RIC8B: variants seen among roughly 807,000 people sequenced by gnomAD.
RIC8B encodes the protein RIC8 guanine nucleotide exchange factor B, also known as chaperone Ric-8B.
RIC8B carries 16 observed loss-of-function variants against 57.5 expected under a neutral mutation model. That is an observed-to-expected ratio of 0.28 (90% CI 0.19 to 0.42). RIC8B has a LOEUF of 0.42. RIC8B is among the 10% of genes least tolerant of loss of function. RIC8B has a pLI of 1.00. For missense variants in RIC8B, 481 were observed against 677.0 expected, an observed-to-expected ratio of 0.71 and a Z score of 3.21; for synonymous variants, 216 against 250.8, an observed-to-expected ratio of 0.86 and a Z score of 1.31.
At chr12:106,807,702 A>G (rs779200812) in intron 2 of RIC8B, among the ~76,000 whole-genome samples, 7 of 152,234 alleles carry the variant, frequency 4.6e-5, no homozygotes, top group Non-Finnish European at 7.3e-5. Context: ...GACAGCTATC[A>G]GTTTCCATCA....
intron 3 of RIC8B, among the ~76,000 whole-genome samples, chr12:106,815,609 AT>A (rs1319743504): frequency 6.6e-6 from 1 of 152,210 alleles, no homozygotes; most frequent in African/African-American, 2.4e-5. Flanking sequence ...TAAGGTTTAA[AT>A]TATAAGATTT....
intron 2 of RIC8B, among the ~76,000 whole-genome samples, chr12:106,793,687 A>G (rs1285292879): frequency 6.8e-6 from 1 of 146,722 alleles, no homozygotes; most frequent in Non-Finnish European, 1.5e-5. Flanking sequence ...AGAGAAAGTC[A>G]GAGGGGTCTG....
At chr12:106,781,826 CA>C (rs538715218) in intron 1 of RIC8B, among the ~76,000 whole-genome samples, 7 of 151,976 alleles carry the variant, frequency 4.6e-5, no homozygotes, top group Non-Finnish European at 7.4e-5. Flanking sequence ...CATATAATGG[CA>C]AAAAAATAGG....
chr12:106,789,353 C>T (rs1191381564), intron 2 of RIC8B, among the ~76,000 whole-genome samples: 2 of 152,180 alleles, frequency 1.3e-5, no homozygotes, highest in Non-Finnish European at 2.9e-5. Context: ...CTGCCTGATA[C>T]CTAGTTCCAA....
At chr12:106,829,742 T>C (rs1168769434) in intron 4 of RIC8B, among the ~76,000 whole-genome samples, 2 of 152,202 alleles carry the variant, frequency 1.3e-5, no homozygotes, top group East Asian at 3.8e-4. Flanking sequence ...TCTTTTCATT[T>C]ATTCATTAAG....
chr12:106,799,352 T>C (rs189735160), intron 2 of RIC8B, among the ~76,000 whole-genome samples: 9 of 152,348 alleles, frequency 5.9e-5, no homozygotes, highest in African/African-American at 2.2e-4. Context: ...CCAAGCACTA[T>C]GCTAGAGGTT....
chr12:106,861,847 G>GA (rs1949951585), intron 8 of RIC8B, among the ~76,000 whole-genome samples: 1 of 151,962 alleles, frequency 6.6e-6, no homozygotes, highest in African/African-American at 2.4e-5. Context: ...TTACATCCCA[G>GA]GGTGTGTGGA....
intron 4 of RIC8B, among the ~76,000 whole-genome samples, chr12:106,829,370 G>C (rs1056653739): frequency 3.4e-4 from 51 of 152,106 alleles, no homozygotes; most frequent in Non-Finnish European, 2.1e-4. Context: ...AAATCAGGAT[G>C]GCCTATATGC....
intron 1 of RIC8B, among the ~76,000 whole-genome samples, chr12:106,780,844 C>T (rs2043732924): frequency 6.6e-6 from 1 of 152,178 alleles, no homozygotes; most frequent in African/African-American, 2.4e-5. Flanking sequence ...GGTTATTCAA[C>T]AATAACAGTA....
intron 9 of RIC8B, chr12:106,871,471 T>TAAAAAAAA (rs1387727022): frequency 6.5e-4 from 20 of 30,910 alleles, no homozygotes; most frequent in African/African-American, 1.3e-3. Context: ...TTAGGAGTTC[T>TAAAAAAAA]AAAAAAAAAA....
chr12:106,875,243 A>T (rs1317421861), intron 9 of RIC8B, among the ~76,000 whole-genome samples: 1 of 152,182 alleles, frequency 6.6e-6, no homozygotes, highest in African/African-American at 2.4e-5. Flanking sequence ...TTAAGGCCTG[A>T]GGCATGAAAT....
At chr12:106,845,327 G>C (rs1566125478) in intron 6 of RIC8B, among the ~76,000 whole-genome samples, 2 of 114,260 alleles carry the variant, frequency 1.8e-5, no homozygotes, top group African/African-American at 7.5e-5. Context: ...CTATTTCACA[G>C]CTTTTCTTCA....
chr12:106,866,174 G>GT (rs1461955499), intron 8 of RIC8B, among the ~76,000 whole-genome samples: 2 of 142,646 alleles, frequency 1.4e-5, no homozygotes, highest in African/African-American at 5.9e-5. Flanking sequence ...AGGAGTTTTT[G>GT]TTTTTTTGTT....
intron 3 of RIC8B, among the ~76,000 whole-genome samples, chr12:106,824,915 AAAAG>A: frequency 6.6e-6 from 1 of 152,254 alleles, no homozygotes; most frequent in South Asian, 2.1e-4. Context: ...CTCAAAAAAA[AAAAG>A]AAAAAAGTTT....
At chr12:106,812,890 T>C (rs1167458182) in intron 2 of RIC8B, among the ~76,000 whole-genome samples, 4 of 152,206 alleles carry the variant, frequency 2.6e-5, no homozygotes, top group Non-Finnish European at 1.5e-5. Context: ...GACAATGTTA[T>C]GAAATTTTTT....
At chr12:106,795,606 T>G (rs2044444206) in intron 2 of RIC8B, among the ~76,000 whole-genome samples, 1 of 152,126 alleles carries the variant, frequency 6.6e-6, no homozygotes, top group Non-Finnish European at 1.5e-5. Context: ...TGGCCAGCAC[T>G]GTCTTGTCTG....
chr12:106,881,801 A>T (rs1180448089), intron 9 of RIC8B, among the ~76,000 whole-genome samples: 1 of 152,212 alleles, frequency 6.6e-6, no homozygotes, highest in Non-Finnish European at 1.5e-5. Flanking sequence ...TAGAGGAAGA[A>T]GATGAGAAAA....
intron 4 of RIC8B, among the ~76,000 whole-genome samples, chr12:106,830,180 A>G (rs2046295525): frequency 1.3e-5 from 2 of 152,140 alleles, no homozygotes; most frequent in African/African-American, 4.8e-5. Flanking sequence ...TTCCATATGA[A>G]TTTTAAAGTG....
In RIC8B at chr12:106,784,028, A is replaced by T. The variant is rs1205621740; in HGVS notation, c.116A>T (p.Asp39Val). The stretch of plus-strand genomic sequence containing the variant: ...GCTACTTTCAAATTTGAATCAACAG[A>T]TGAAGATAAAAGAAAGGTAAGCCTT... ...HRATFKFEST[D>V]EDKRKKLCEG... The change falls in exon 2 of 10, where the codon GAT becomes GTT. Residue 39 changes from aspartate (D) to valine (V), a missense_variant. Physicochemically the swap from Asp to Val is radical, Grantham distance 152. Around this residue, in one of 3 missense-constraint regions of RIC8B, gnomAD observed 421 missense variants for 560.9 expected, o/e 0.75. Coordinates refer to ENST00000392837, the MANE Select transcript of RIC8B (RefSeq NM_001330145.2). 6.7e-5 allele frequency: 108 copies of T among 1,613,652 alleles called. No individual in the cohort carries two copies. Among genetic ancestry groups the T allele is most frequent in the Non-Finnish European group, 9.0e-5 (106 of 1,179,770 alleles).
Sources: gnomAD v4.1 joint callset for allele counts (sites outside exome capture counted in the v4.1 genomes callset) on GRCh38, gnomAD v4.1.1 for gene constraint, gnomAD v4.1.1 regional missense constraint, MANE v1.5 for transcripts, NCBI Gene and HGNC (gene_info 2026-07-23, HGNC 2026-07-21) for gene names.